The following SLC9A9 variants were observed in gnomAD, a reference collection of about 807,000 sequenced individuals.
The protein encoded by SLC9A9 is sodium/hydrogen exchanger 9.
A neutral mutation model predicts 77.8 loss-of-function variants in SLC9A9; 62 were observed. The ratio of observed to expected loss-of-function variants is 0.80; its 90% CI spans 0.65 to 0.98. SLC9A9 has a LOEUF of 0.98. Ranked by LOEUF, SLC9A9 falls within the 50% of genes least tolerant of loss-of-function variation. SLC9A9 has a pLI of 0.00. For missense variants in SLC9A9, 775 were observed against 774.9 expected, an observed-to-expected ratio of 1.00 and a Z score of 0.00; for synonymous variants, 320 against 283.5, an observed-to-expected ratio of 1.13 and a Z score of -1.29.
At chr3:143,775,393 G>T (rs1243142646) in intron 4 of SLC9A9, among the ~76,000 whole-genome samples, 1 of 152,066 alleles carries the variant, frequency 6.6e-6, no homozygotes, top group Non-Finnish European at 1.5e-5. Flanking sequence ...AAATTAAGAG[G>T]TTACATTAGT....
intron 9 of SLC9A9, among the ~76,000 whole-genome samples, chr3:143,531,481 G>A (rs2036510088): frequency 6.6e-6 from 1 of 152,208 alleles, no homozygotes; most frequent in Non-Finnish European, 1.5e-5. Flanking sequence ...CTTCCTGCTG[G>A]AAGCAGCACT....
At chr3:143,408,123 G>A (rs1237428012) in intron 12 of SLC9A9, among the ~76,000 whole-genome samples, 2 of 152,136 alleles carry the variant, frequency 1.3e-5, no homozygotes, top group African/African-American at 4.8e-5. Flanking sequence ...TCAGATCGGG[G>A]CCCAATGTTT....
At chr3:143,292,299 A>C (rs1166005054) in intron 14 of SLC9A9, among the ~76,000 whole-genome samples, 3 of 152,240 alleles carry the variant, frequency 2.0e-5, no homozygotes, top group Non-Finnish European at 4.4e-5. Context: ...ATTTGGCATG[A>C]AATGAATTAT....
At chr3:143,778,693 A>G (rs1272833385) in intron 4 of SLC9A9, among the ~76,000 whole-genome samples, 1 of 152,260 alleles carries the variant, frequency 6.6e-6, no homozygotes, top group Middle Eastern at 3.4e-3. Flanking sequence ...AAAGAGAAAA[A>G]CCTTCGGGGA....
chr3:143,655,404 A>G (rs918382237), intron 5 of SLC9A9: 12 of 899,246 alleles, frequency 1.3e-5, no homozygotes, highest in African/African-American at 5.4e-5. Context: ...CACTCTGGAC[A>G]TCGTGTGGAT....
At position 143,801,536 on chromosome 3, in the gene SLC9A9, C is replaced by G. The variant is rs559126309; in HGVS notation, c.379-4633G>C. On this transcript the variant is annotated intron_variant, in intron 2 of 15. Transcript: ENST00000316549. ...TTCAATCCAGCCTCCCACATTATTC[C>G]GGATACCACACCTGACCCCCATGAC... Among the ~76,000 whole-genome samples, 373 of 152,254 alleles carry G rather than the reference C, an allele frequency of 2.4e-3. 3 individuals are homozygous for G. Among genetic ancestry groups the G allele is most frequent in the African/African-American group, 8.5e-3 (352 of 41,542 alleles).
Position 143,266,630 on chromosome 3 carries a change from C to T in SLC9A9, c.*72G>A. The T allele has an allele frequency of 1.3e-6, 2 of 1,488,814 alleles. No individual in the cohort carries two copies. Among genetic ancestry groups the T allele is most frequent in the Non-Finnish European group, 1.9e-6 (2 of 1,070,114 alleles). The allele number at this position is 1,488,814 out of a possible 1,614,324, so 92.2% of individuals were successfully genotyped here. A position where few individuals can be genotyped will look rare whatever the true frequency, so the allele number is the denominator to read the frequency against. ...TTTTCCAGCCTCTCCCCTGTACTGCCTCATCAGCTTGGCTTGTATTCCTCA... is the reference window on the plus strand; with the variant it reads ...TTTTCCAGCCTCTCCCCTGTACTGCTTCATCAGCTTGGCTTGTATTCCTCA... On this transcript the variant is annotated 3_prime_UTR_variant, in exon 16 of 16. Coordinates refer to ENST00000316549, the MANE Select transcript of SLC9A9 (RefSeq NM_173653.4).
In SLC9A9 at chr3:143,585,793, T is replaced by C. The variant is rs552318218; in HGVS notation, c.756-7070A>G. On this transcript the variant is annotated intron_variant, in intron 6 of 15. Transcript: ENST00000316549. ...AAGAGCCTTCAGGTTCTGCTCATGC[T>C]GACTCCTGCTTTCAGAAATCTTTAG... is the stretch of plus-strand genomic sequence containing the variant. 2.4e-3 allele frequency among the ~76,000 whole-genome samples: 361 copies of C among 152,342 alleles called. 2 individuals are homozygous for C. The highest frequency in any genetic ancestry group is 0.01 in the Middle Eastern group (3 of 294).
At position 143,564,241 on chromosome 3, in the gene SLC9A9, A is replaced by G. The variant is rs531215043; in HGVS notation, c.1000+9847T>C. 7.9e-5 allele frequency among the ~76,000 whole-genome samples: 12 copies of G among 152,328 alleles called. No homozygotes were observed. In the East Asian group the frequency reaches 2.3e-3, roughly 29 times the overall value. On this transcript the variant is annotated intron_variant, in intron 8 of 15. Transcript: ENST00000316549. ...CTGCTTCTGATAACATTACTCCAGA[A>G]TTCTTTTCTCATTAAAAGTTGATGA...
intron 4 of SLC9A9, among the ~76,000 whole-genome samples, chr3:143,752,775 T>A (rs905430809): frequency 6.6e-5 from 10 of 151,956 alleles, no homozygotes; most frequent in African/African-American, 2.2e-4. Context: ...TAGAACATTG[T>A]TAAAATGGAT....
chr3:143,501,341 A>G (rs1193980109), intron 9 of SLC9A9, among the ~76,000 whole-genome samples: 1 of 150,898 alleles, frequency 6.6e-6, no homozygotes, highest in Non-Finnish European at 1.5e-5. Flanking sequence ...GTACATATCC[A>G]TGTAACTTTC....
intron 14 of SLC9A9, among the ~76,000 whole-genome samples, chr3:143,305,321 A>G (rs1305010246): frequency 6.6e-6 from 1 of 152,146 alleles, no homozygotes; most frequent in Non-Finnish European, 1.5e-5. Flanking sequence ...GGGAATGGAC[A>G]TGCTGAGTGC....
chr3:143,412,798 G>A (rs1054839766), intron 12 of SLC9A9, among the ~76,000 whole-genome samples: 6 of 152,122 alleles, frequency 3.9e-5, no homozygotes, highest in East Asian at 1.9e-4. Flanking sequence ...TCTAAATAAC[G>A]TGAAGGCAGG....
At chr3:143,277,234 A>G (rs1185892641) in intron 14 of SLC9A9, among the ~76,000 whole-genome samples, 1 of 152,250 alleles carries the variant, frequency 6.6e-6, no homozygotes, top group Non-Finnish European at 1.5e-5. Flanking sequence ...CTGAGAGTTC[A>G]TCTGATCTAT....
rs145176566 is a variant in SLC9A9, at chr3:143,795,503, G to A, written c.457-426C>T. Among the ~76,000 whole-genome samples the A allele has an allele frequency of 2.6e-4, 40 of 152,244 alleles. 1 individual carries two copies. Among genetic ancestry groups the A allele is most frequent in the Admixed American group, 1.4e-3 (21 of 15,290 alleles). On this transcript the variant is annotated intron_variant, in intron 3 of 15. Transcript: ENST00000316549. ...AACAAAACTATTCTAAGAGATTTAC[G>A]TTGCCTGTTGATTTTACTGGATGTC...
intron 4 of SLC9A9, among the ~76,000 whole-genome samples, chr3:143,698,702 C>G (rs1933710644): frequency 6.6e-6 from 1 of 150,654 alleles, no homozygotes; most frequent in African/African-American, 2.5e-5. Context: ...CCTCCTCCCT[C>G]TTCTTTTTTA....
chr3:143,484,358 C>T (rs1677220642), intron 11 of SLC9A9, among the ~76,000 whole-genome samples: 1 of 152,118 alleles, frequency 6.6e-6, no homozygotes, highest in Admixed American at 6.5e-5. Flanking sequence ...GCTTATGTTA[C>T]CTTAAGTTGA....
intron 8 of SLC9A9, among the ~76,000 whole-genome samples, chr3:143,573,137 C>A (rs1414485240): frequency 2.0e-5 from 3 of 152,166 alleles, no homozygotes; most frequent in Non-Finnish European, 4.4e-5. Flanking sequence ...AGCTGGCCAG[C>A]ATCTGGCTCA....
At chr3:143,807,064 G>A (rs1240475463) in intron 2 of SLC9A9, among the ~76,000 whole-genome samples, 2 of 152,168 alleles carry the variant, frequency 1.3e-5, no homozygotes, top group Admixed American at 1.3e-4. Flanking sequence ...AGATCCAAAG[G>A]CAGAAATGTG....
Sources: gnomAD v4.1 joint callset for allele counts (sites outside exome capture counted in the v4.1 genomes callset) on GRCh38, gnomAD v4.1.1 for gene constraint, MANE v1.5 for transcripts, NCBI Gene and HGNC (gene_info 2026-07-23, HGNC 2026-07-21) for gene names.